The following KCP variants were observed in gnomAD, a reference collection of about 807,000 sequenced individuals.
KCP encodes the protein kielin/chordin-like protein.
Under a neutral mutation model 212.7 loss-of-function variants are expected in KCP, and 194 were observed. The observed-to-expected ratio is 0.91, with a 90% CI of 0.81 to 1.03. The LOEUF is 1.03. KCP is among the 50% of genes least tolerant of loss of function. The pLI, the probability that KCP is intolerant of heterozygous loss-of-function variation, is 0.00. For synonymous variants in KCP, 833 were observed against 865.3 expected (o/e 0.96, Z 0.65); for missense variants, 2,080 against 2,162.5 (o/e 0.96, Z 0.76).
Position 128,880,591 on chromosome 7 carries a change from C to A in KCP, c.3616+28G>T, listed in dbSNP as rs376132499. 9.8e-6 allele frequency: 13 copies of A among 1,327,104 alleles called. No individual in the cohort carries two copies. The East Asian group carries it at 1.4e-4, about 15-fold the overall frequency. The allele number at this position is 1,327,104 out of a possible 1,614,324, so 82.2% of individuals were successfully genotyped here. On this transcript the variant is annotated intron_variant, in intron 33 of 39. Coordinates refer to ENST00000610776, the MANE Select transcript of KCP (RefSeq NM_001366122.1). ...CCACATGCCCAGAAGGTCTGGCTTA[C>A]CCCTCCCCCATCACCCTGGCTGCGC...
intron 29 of KCP, among the ~76,000 whole-genome samples, chr7:128,882,687 A>G (rs1419990146): frequency 2.0e-5 from 3 of 152,206 alleles, no homozygotes; most frequent in Non-Finnish European, 2.9e-5. Context: ...TTATGAACGT[A>G]TTTAATACCA....
At chr7:128,903,889 G>A in intron 6 of KCP, 69 bp from the exon 7 acceptor site, 2 of 1,327,640 alleles carry the variant, frequency 1.5e-6, no homozygotes, top group East Asian at 2.5e-5. Context: ...GCGGGTGTTG[G>A]GCACCCTCGG....
chr7:128,909,540 C>G (rs1795321195), intron 1 of KCP, among the ~76,000 whole-genome samples: 1 of 152,190 alleles, frequency 6.6e-6, no homozygotes, highest in Admixed American at 6.5e-5. Flanking sequence ...AGCCAGAAAG[C>G]TGGGGCTCAG....
At position 128,886,492 on chromosome 7, in the gene KCP, C is replaced by G; in HGVS notation, c.2838G>C (p.Glu946Asp). 1 of 1,550,402 alleles carries G rather than the reference C, an allele frequency of 6.4e-7. No homozygotes were observed. Among genetic ancestry groups the G allele is most frequent in the East Asian group, 2.4e-5 (1 of 40,902 alleles). Reference protein sequence around the residue: ...PPLPCKLQVTERGSCCPRCRG... With the variant: ...PPLPCKLQVTDRGSCCPRCRG... ...TGCAGCGAGGGCAGCAGCTCCCCCG[C>G]TCGGTGACCTGGAGCTTGCAGGGAA... Residue 946 changes from glutamate (E) to aspartate (D), a missense_variant, in exon 26 of 40, where the codon GAG becomes GAC. Physicochemically the swap from Glu to Asp is conservative, Grantham distance 45. Transcript: ENST00000610776.
In KCP at chr7:128,906,550, C is replaced by G. The variant is rs1201161732; in HGVS notation, c.487-187G>C. Reference sequence around the variant, plus strand: ...ATCCCGCCCCCACTCCCATCGTCTCCTGATGCTCTTAACCCTAGGAAACCA... The same window carrying G: ...ATCCCGCCCCCACTCCCATCGTCTCGTGATGCTCTTAACCCTAGGAAACCA... On this transcript the variant is annotated intron_variant, in intron 4 of 39. Coordinates refer to ENST00000610776, the MANE Select transcript of KCP (RefSeq NM_001366122.1). Among the ~76,000 whole-genome samples the G allele has an allele frequency of 2.6e-5, 4 of 152,126 alleles. No homozygotes were observed. The South Asian group carries it at 6.2e-4, about 24-fold the overall frequency.
intron 8 of KCP, among the ~76,000 whole-genome samples, chr7:128,899,892 A>G (rs1482136227): frequency 7.6e-6 from 1 of 130,734 alleles, no homozygotes; most frequent in Non-Finnish European, 1.5e-5. Flanking sequence ...TGTAGAGCCA[A>G]TAAATGCCCC....
chr7:128,891,843 G>T, intron 16 of KCP, 24 bp from the exon 17 acceptor site: 1 of 1,429,640 alleles, frequency 7.0e-7, no homozygotes, highest in East Asian at 2.6e-5. Context: ...GGTGGGGGCA[G>T]GTATGAGGGC....
At chr7:128,905,250 A>C (rs1452348832) in intron 5 of KCP, among the ~76,000 whole-genome samples, 1 of 152,164 alleles carries the variant, frequency 6.6e-6, no homozygotes, top group Non-Finnish European at 1.5e-5. Context: ...TTAGTATAAG[A>C]ATGTCCTAAA....
chr7:128,897,804 T>C (rs772389004), intron 8 of KCP, among the ~76,000 whole-genome samples: 2 of 152,186 alleles, frequency 1.3e-5, no homozygotes, highest in South Asian at 2.1e-4. Context: ...CTCCTAGCTA[T>C]GCAAAGAAGG....
chr7:128,894,217 C>T lies in KCP; in HGVS notation c.908G>A (p.Cys303Tyr). 2.6e-6 allele frequency: 4 copies of T among 1,536,270 alleles called. No homozygotes were observed. Among genetic ancestry groups the T allele is most frequent in the Non-Finnish European group, 3.5e-6 (4 of 1,137,106 alleles). Residue 303 changes from cysteine (C) to tyrosine (Y), a missense_variant, in exon 9 of 40, where the codon TGC becomes TAC. Coordinates refer to ENST00000610776, the MANE Select transcript of KCP (RefSeq NM_001366122.1). The stretch of plus-strand genomic sequence containing the variant: ...TGACTCACCATCACACACAGGGCAG[C>T]AGGTGCCTGGGAGGGGCCGGGCTGG... ...PYPARPLPGT[C>Y]CPVCDGCFLN...
chr7:128,904,594 C>T (rs1015904201), intron 5 of KCP, among the ~76,000 whole-genome samples: 4 of 152,214 alleles, frequency 2.6e-5, no homozygotes, highest in African/African-American at 7.2e-5. Context: ...ATGGTCAGGC[C>T]GGCAGTCTGC....
chr7:128,877,430 CCTT>C, intron 39 of KCP, 51 bp downstream of exon 39: 15 of 1,540,516 alleles, frequency 9.7e-6, no homozygotes, highest in South Asian at 7.2e-5. Context: ...TCCGGGCTGC[CCTT>C]CTTCTCTGTG....
chr7:128,884,873 GGA>G lies in KCP; in HGVS notation c.3041-12_3041-11del, dbSNP rs2128945333. The G allele has an allele frequency of 6.4e-7, 1 of 1,550,398 alleles. No individual in the cohort carries two copies. Among genetic ancestry groups the G allele is most frequent in the East Asian group, 2.4e-5 (1 of 40,922 alleles). ...CCCTCATGCTCACAGTCTTTGGGGT[GGA>G]GTGAGAGCAGAACGGGACCAGGGGT... On this transcript the variant is annotated splice_polypyrimidine_tract_variant and intron_variant, in intron 27 of 39. Coordinates refer to ENST00000610776, the MANE Select transcript of KCP (RefSeq NM_001366122.1).
intron 21 of KCP, 37 bp from the exon 22 acceptor site, chr7:128,889,076 C>CA (rs1317722871): frequency 1.4e-6 from 2 of 1,442,462 alleles, no homozygotes; most frequent in South Asian, 2.8e-5. Context: ...AGGGGAGGGA[C>CA]AGAAAGGGAT....
chr7:128,904,212 G>A, intron 5 of KCP, 74 bp from the exon 6 acceptor site: 1 of 1,507,638 alleles, frequency 6.6e-7, no homozygotes, highest in Non-Finnish European at 9.0e-7. Context: ...GGTAAGGCAT[G>A]ACCCCAAGTA....
rs375854442 is a variant in KCP at position 128,886,750 on chromosome 7, C to T, written c.2690-13G>A. On this transcript the variant is annotated splice_polypyrimidine_tract_variant and intron_variant, in intron 24 of 39. Transcript: ENST00000610776. The stretch of plus-strand genomic sequence containing the variant: ...TGAGAGAGACAGCCTGTGGGGGACA[C>T]ACCTCCTGGGTGGGGGGCCTGTGCC... 8.4e-5 allele frequency: 131 copies of T among 1,551,216 alleles called. No individual in the cohort carries two copies. In the African/African-American group the frequency reaches 1.6e-3, roughly 19 times the overall value.
At chr7:128,903,986 G>A in intron 6 of KCP, 70 bp downstream of exon 6, 3 of 1,446,974 alleles carry the variant, frequency 2.1e-6, no homozygotes, top group Middle Eastern at 2.0e-4. Flanking sequence ...AGGAGTGGCA[G>A]GCAGGGCCCA....
At chr7:128,905,501 C>A (rs1795080171) in intron 5 of KCP, among the ~76,000 whole-genome samples, 1 of 152,148 alleles carries the variant, frequency 6.6e-6, no homozygotes, top group Admixed American at 6.5e-5. Flanking sequence ...CAGCCAGTCA[C>A]CGGCTCCTGC....
In KCP at chr7:128,907,259, C is replaced by A; in HGVS notation, c.409+5G>T. 1 of 1,534,164 alleles carries A rather than the reference C, an allele frequency of 6.5e-7. No individual in the cohort carries two copies. Among genetic ancestry groups the A allele is most frequent in the Non-Finnish European group, 8.8e-7 (1 of 1,133,262 alleles). ...GCCCCAGTGGGCGGATAGGGTGGCA[C>A]TTACCCCTGCAATGGGGCAGGTGTG... On this transcript the variant is annotated splice_donor_5th_base_variant and intron_variant, in intron 3 of 39. Coordinates refer to ENST00000610776, the MANE Select transcript of KCP (RefSeq NM_001366122.1).
Sources: allele counts gnomAD v4.1 joint callset (sites outside exome capture counted in the v4.1 genomes callset), GRCh38; gene constraint gnomAD v4.1.1; transcripts MANE v1.5; gene names NCBI Gene and HGNC (gene_info 2026-07-23, HGNC 2026-07-21).